Variants in FNDC3A observed in about 807,000 individuals in gnomAD.
FNDC3A encodes the protein fibronectin type III domain containing 3A, also known as fibronectin type-III domain-containing protein 3A.
In FNDC3A, 32 loss-of-function variants were observed where a neutral mutation model predicts 148.9. That is an observed-to-expected ratio of 0.21 (90% CI 0.16 to 0.29). The LOEUF (loss-of-function observed/expected upper bound fraction) is 0.29. Ranked by LOEUF, FNDC3A falls within the 10% of genes least tolerant of loss-of-function variation. FNDC3A has a pLI of 1.00. For synonymous variants in FNDC3A, 472 were observed against 473.6 expected, an observed-to-expected ratio of 1.00 and a Z score of 0.04; for missense variants, 1,191 against 1,452.8, an observed-to-expected ratio of 0.82 and a Z score of 2.93.
At chr13:49,103,620 G>C (rs1879993063) in intron 3 of FNDC3A, among the ~76,000 whole-genome samples, 1 of 152,236 alleles carries the variant, frequency 6.6e-6, no homozygotes. Flanking sequence ...GTTCTAGAAA[G>C]AGCCTAGTGC....
intron 7 of FNDC3A, among the ~76,000 whole-genome samples, chr13:49,139,964 G>A (rs546540619): frequency 3.9e-5 from 6 of 152,304 alleles, no homozygotes; most frequent in Non-Finnish European, 8.8e-5. Context: ...AAAGAATTTA[G>A]TAGGCTTAAT....
At chr13:49,041,447 A>G (rs1874922757) in intron 2 of FNDC3A, among the ~76,000 whole-genome samples, 1 of 152,194 alleles carries the variant, frequency 6.6e-6, no homozygotes, top group Non-Finnish European at 1.5e-5. Context: ...TGTTGAATGA[A>G]TTAATCAGTT....
chr13:49,091,917 G>A (rs949214023), intron 3 of FNDC3A, among the ~76,000 whole-genome samples: 2 of 152,244 alleles, frequency 1.3e-5, no homozygotes, highest in Non-Finnish European at 2.9e-5. Context: ...ATGATGGGCA[G>A]TTAGGTCACA....
chr13:49,028,883 A>G (rs11619252), intron 2 of FNDC3A, among the ~76,000 whole-genome samples: 3 of 152,224 alleles, frequency 2.0e-5, no homozygotes, highest in Non-Finnish European at 2.9e-5. Context: ...ATTCCACCCA[A>G]CAACAGCAGC....
chr13:49,070,891 T>G (rs1438867949), intron 2 of FNDC3A, among the ~76,000 whole-genome samples: 25 of 144,556 alleles, frequency 1.7e-4, no homozygotes, highest in African/African-American at 6.1e-4. Context: ...CTTTTTTTTT[T>G]TTGTTTTGTT....
At chr13:49,124,299 CAT>C (rs1593623914) in intron 4 of FNDC3A, among the ~76,000 whole-genome samples, 1 of 151,906 alleles carries the variant, frequency 6.6e-6, no homozygotes, top group East Asian at 1.9e-4. Flanking sequence ...AATGAGAACA[CAT>C]AGACACAGGG....
chr13:49,022,639 A>C (rs1439858794), intron 2 of FNDC3A, among the ~76,000 whole-genome samples: 1 of 152,180 alleles, frequency 6.6e-6, no homozygotes, highest in Non-Finnish European at 1.5e-5. Context: ...GAATTCTAAT[A>C]CAAACCATTA....
In FNDC3A at chr13:49,119,178, G is replaced by C. The variant is rs188665852; in HGVS notation, c.252+4447G>C. ...GAAAGAACAGGCAGCAGTCTTTGCT[G>C]TTCTGCAGCCTCTGTTGGCGATACC... On this transcript the variant is annotated intron_variant, in intron 4 of 25. Transcript: ENST00000492622. Among the ~76,000 whole-genome samples the C allele has an allele frequency of 3.9e-5, 6 of 152,320 alleles. No homozygotes were observed. The East Asian group carries it at 9.6e-4, about 24-fold the overall frequency.
intron 1 of FNDC3A, among the ~76,000 whole-genome samples, chr13:49,002,373 G>A (rs925645754): frequency 6.6e-6 from 1 of 152,102 alleles, no homozygotes; most frequent in African/African-American, 2.4e-5. Context: ...TATTATGAAA[G>A]GGTGTTAAAT....
intron 1 of FNDC3A, among the ~76,000 whole-genome samples, chr13:48,990,675 T>A (rs1157364795): frequency 6.7e-6 from 1 of 149,932 alleles, no homozygotes; most frequent in Non-Finnish European, 1.5e-5. Flanking sequence ...GTTGGGAGGA[T>A]CGCTTGAACC....
At chr13:49,092,376 T>C (rs1879245882) in intron 3 of FNDC3A, among the ~76,000 whole-genome samples, 1 of 152,206 alleles carries the variant, frequency 6.6e-6, no homozygotes, top group South Asian at 2.1e-4. Context: ...CAGCAACTTA[T>C]CCTTCACCTT....
intron 2 of FNDC3A, among the ~76,000 whole-genome samples, chr13:49,035,601 A>T (rs1347007015): frequency 6.6e-6 from 1 of 152,058 alleles, no homozygotes; most frequent in Non-Finnish European, 1.5e-5. Context: ...TTATGAAGAC[A>T]AATGAGCCTA....
At chr13:49,076,726 C>T (rs965112920) in intron 3 of FNDC3A, among the ~76,000 whole-genome samples, 13 of 152,034 alleles carry the variant, frequency 8.6e-5, no homozygotes, top group African/African-American at 2.7e-4. Context: ...AAGTGATCCC[C>T]GTCACCTGTG....
At chr13:49,162,579 G>A (rs182470585) in intron 8 of FNDC3A, among the ~76,000 whole-genome samples, 55 of 152,220 alleles carry the variant, frequency 3.6e-4, no homozygotes, top group Admixed American at 3.6e-3. Flanking sequence ...GGAGAAGTTT[G>A]TTACTACCAA....
chr13:49,138,035 G>A (rs1222177177), intron 6 of FNDC3A, among the ~76,000 whole-genome samples: 1 of 152,160 alleles, frequency 6.6e-6, no homozygotes, highest in African/African-American at 2.4e-5. Context: ...CTATCAAATA[G>A]TGTAGGTAAT....
chr13:49,192,723 G>A (rs906241453), intron 19 of FNDC3A, among the ~76,000 whole-genome samples: 2 of 152,042 alleles, frequency 1.3e-5, no homozygotes, highest in African/African-American at 4.8e-5. Flanking sequence ...TAATACTTAC[G>A]TCTTAATTTA....
intron 3 of FNDC3A, among the ~76,000 whole-genome samples, chr13:49,080,273 A>G (rs1046842628): frequency 6.6e-6 from 1 of 151,892 alleles, no homozygotes; most frequent in African/African-American, 2.4e-5. Flanking sequence ...GTCCTTTTGG[A>G]TAAGGCACCA....
chr13:49,028,602 C>A (rs1055608061), intron 2 of FNDC3A, among the ~76,000 whole-genome samples: 3 of 152,072 alleles, frequency 2.0e-5, no homozygotes, highest in African/African-American at 7.2e-5. Flanking sequence ...AATAAGAGAA[C>A]TTGTAACCCA....
chr13:49,143,692 A>C (rs1882815137), intron 7 of FNDC3A, among the ~76,000 whole-genome samples: 1 of 152,150 alleles, frequency 6.6e-6, no homozygotes, highest in Non-Finnish European at 1.5e-5. Context: ...TAAACAGTTC[A>C]TTTCACTCAG....
Sources: allele counts gnomAD v4.1 joint callset (sites outside exome capture counted in the v4.1 genomes callset), GRCh38; gene constraint gnomAD v4.1.1; transcripts MANE v1.5; gene names NCBI Gene and HGNC (gene_info 2026-07-23, HGNC 2026-07-21).